Variants in DERA observed in about 807,000 individuals in gnomAD.
DERA encodes the protein 2-deoxy-D-ribose 5-phosphate aldolase.
DERA carries 15 observed loss-of-function variants against 41.1 expected under a neutral mutation model. The observed-to-expected ratio is 0.37, with a 90% CI of 0.24 to 0.56. The LOEUF is 0.56. Ranked by LOEUF, DERA falls within the 20% of genes least tolerant of loss-of-function variation. DERA has a pLI of 0.81. For synonymous variants in DERA, 139 were observed against 137.4 expected (o/e 1.01, Z -0.08); for missense variants, 396 against 403.4 (o/e 0.98, Z 0.16).
intron 4 of DERA, among the ~76,000 whole-genome samples, chr12:15,960,196 A>G (rs1215249207): frequency 1.3e-5 from 2 of 148,608 alleles, no homozygotes; most frequent in African/African-American, 4.9e-5. Context: ...GACATATAGT[A>G]TATATATATA....
At position 16,010,497 on chromosome 12, in the gene DERA, A is replaced by G. The variant is rs560891876; in HGVS notation, c.638-22045A>G. ...CTGCTGCTTTCCCCTTTGCCAGCAT[A>G]TACTGCTTTTGTTGAGGAATCAAGG... On this transcript the variant is annotated intron_variant, in intron 6 of 8. Transcript: ENST00000428559. The surrounding 1 kb of genome is among the most constrained non-coding windows in gnomAD (Gnocchi z 5.5). Among the ~76,000 whole-genome samples, 5 of 152,012 alleles carry G rather than the reference A, an allele frequency of 3.3e-5. No homozygotes were observed. The South Asian group carries it at 1.0e-3, about 32-fold the overall frequency.
chr12:15,961,151 A>G (rs952855687), intron 4 of DERA, among the ~76,000 whole-genome samples: 3 of 152,242 alleles, frequency 2.0e-5, no homozygotes, highest in Admixed American at 2.0e-4. Context: ...GACTTGTCAC[A>G]GTACATGCAG....
In DERA at chr12:16,019,228, G is replaced by A. The variant is rs1949003337; in HGVS notation, c.638-13314G>A. ...TTTCTTTTGACAGCAGTAAAGTAATGATGTACTTTCTAAAATATTTTGTGT... is the reference window on the plus strand; with the variant it reads ...TTTCTTTTGACAGCAGTAAAGTAATAATGTACTTTCTAAAATATTTTGTGT... On this transcript the variant is annotated intron_variant, in intron 6 of 8. Coordinates refer to ENST00000428559, the MANE Select transcript of DERA (RefSeq NM_015954.4). The surrounding 1 kb of genome is among the most constrained non-coding windows in gnomAD (Gnocchi z 4.4). 6.6e-6 allele frequency among the ~76,000 whole-genome samples: 1 copy of A among 152,172 alleles called. No homozygotes were observed. Among genetic ancestry groups the A allele is most frequent in the Non-Finnish European group, 1.5e-5 (1 of 68,028 alleles).
At chr12:16,006,884 G>A (rs1299765295) in intron 6 of DERA, among the ~76,000 whole-genome samples, 1 of 152,164 alleles carries the variant, frequency 6.6e-6, no homozygotes, top group Non-Finnish European at 1.5e-5. Flanking sequence ...GTTACTTTAG[G>A]CTTGAAAATA....
rs1454455920 is a variant in DERA at position 15,924,381 on chromosome 12, G to T, written c.31+12967G>T. Reference sequence around the variant, plus strand: ...GCTGTACTGTAGCCTGGGTGACAGAGCAATACCCTGTTTCTAAAATTAAAA... The same window carrying T: ...GCTGTACTGTAGCCTGGGTGACAGATCAATACCCTGTTTCTAAAATTAAAA... On this transcript the variant is annotated intron_variant, in intron 1 of 8. Transcript: ENST00000428559. This position sits in a 1 kb window ranked among gnomAD's most constrained non-coding sequence, Gnocchi z 5.0. Among the ~76,000 whole-genome samples, 1 of 152,184 alleles carries T rather than the reference G, an allele frequency of 6.6e-6. No homozygotes were observed. The highest frequency in any genetic ancestry group is 2.4e-5 in the African/African-American group (1 of 41,446).
chr12:15,982,287 C>T lies in DERA; in HGVS notation c.509-21C>T. ...TATCACTTGCCTGCTTTGTAACTGC[C>T]TCAATTATTTTCTTCCCCAGCCCTG... On this transcript the variant is annotated intron_variant, in intron 5 of 8. Coordinates refer to ENST00000428559, the MANE Select transcript of DERA (RefSeq NM_015954.4). The surrounding 1 kb of genome is among the most constrained non-coding windows in gnomAD (Gnocchi z 4.0). The T allele has an allele frequency of 1.2e-6, 2 of 1,602,760 alleles. No homozygotes were observed. Among genetic ancestry groups the T allele is most frequent in the Non-Finnish European group, 1.7e-6 (2 of 1,176,558 alleles).
At chr12:16,030,410 A>G (rs1340014270) in intron 6 of DERA, among the ~76,000 whole-genome samples, 4 of 152,156 alleles carry the variant, frequency 2.6e-5, no homozygotes, top group Non-Finnish European at 5.9e-5. Flanking sequence ...TCTTACATCT[A>G]TGTGGAGGCT....
At position 15,962,884 on chromosome 12, in the gene DERA, G is replaced by T; in HGVS notation, c.445G>T (p.Asp149Tyr). ...RLEEIRLAVE[D>Y]GATEIDVVIN... ...AGAAGAGATCAGATTGGCTGTGGAA[G>T]ATGGAGCTACAGAAATCGACGTGGT... Residue 149 changes from aspartate (D) to tyrosine (Y), a missense_variant, in exon 5 of 9, where the codon GAT becomes TAT. Coordinates refer to ENST00000428559, the MANE Select transcript of DERA (RefSeq NM_015954.4). 9 of 1,589,430 alleles carry T rather than the reference G, an allele frequency of 5.7e-6. No homozygotes were observed. Among genetic ancestry groups the T allele is most frequent in the Non-Finnish European group, 7.7e-6 (9 of 1,166,908 alleles).
Position 15,924,119 on chromosome 12 carries a change from A to G in DERA, c.31+12705A>G, listed in dbSNP as rs953547847. Among the ~76,000 whole-genome samples the G allele has an allele frequency of 1.3e-5, 2 of 152,236 alleles. No homozygotes were observed. The highest frequency in any genetic ancestry group is 2.9e-5 in the Non-Finnish European group (2 of 68,040). ...CTAAAGACTGAAAATAGAGTTGTCT[A>G]TAAAATTCTATTAAAATTATATATG... On this transcript the variant is annotated intron_variant, in intron 1 of 8. Coordinates refer to ENST00000428559, the MANE Select transcript of DERA (RefSeq NM_015954.4). This position sits in a 1 kb window ranked among gnomAD's most constrained non-coding sequence, Gnocchi z 5.0.
chr12:16,026,237 TATC>T lies in DERA; in HGVS notation c.638-6304_638-6302del, dbSNP rs944206620. On this transcript the variant is annotated intron_variant, in intron 6 of 8. Transcript: ENST00000428559. The surrounding 1 kb of genome is among the most constrained non-coding windows in gnomAD (Gnocchi z 4.4). Reference sequence around the variant, plus strand: ...CAACAGAGAAATTTTTTTTTTTAAATATCCTAAAAGCTACTTTTTTTTTTCTCC... The same window carrying T: ...CAACAGAGAAATTTTTTTTTTTAAATCTAAAAGCTACTTTTTTTTTTCTCC... Among the ~76,000 whole-genome samples, 18 of 151,462 alleles carry T rather than the reference TATC, an allele frequency of 1.2e-4. No homozygotes were observed. Among genetic ancestry groups the T allele is most frequent in the African/African-American group, 4.1e-4 (17 of 41,358 alleles).
chr12:16,023,354 T>G (rs1330623938), intron 6 of DERA, among the ~76,000 whole-genome samples: 1 of 152,136 alleles, frequency 6.6e-6, no homozygotes, highest in Non-Finnish European at 1.5e-5. Context: ...CCTTGCCCGA[T>G]TAACATAAAA....
chr12:15,934,714 G>A (rs1354115619), intron 1 of DERA, among the ~76,000 whole-genome samples: 1 of 152,160 alleles, frequency 6.6e-6, no homozygotes, highest in African/African-American at 2.4e-5. Context: ...TTCAAGACAA[G>A]AAGTACATTT....
In DERA at chr12:16,000,095, T is replaced by A. The variant is rs938200622; in HGVS notation, c.637+17659T>A. ...AATTTGATTGTGCTTGGTGAGTGAT[T>A]GCATGCTGAGCAGGGAAGGGAAGGG... On this transcript the variant is annotated intron_variant, in intron 6 of 8. Coordinates refer to ENST00000428559, the MANE Select transcript of DERA (RefSeq NM_015954.4). The surrounding 1 kb of genome is among the most constrained non-coding windows in gnomAD (Gnocchi z 4.8). Among the ~76,000 whole-genome samples, 3 of 152,158 alleles carry A rather than the reference T, an allele frequency of 2.0e-5. No individual in the cohort carries two copies. Among genetic ancestry groups the A allele is most frequent in the African/African-American group, 4.8e-5 (2 of 41,434 alleles).
At position 16,004,399 on chromosome 12, in the gene DERA, A is replaced by G. The variant is rs532576580; in HGVS notation, c.637+21963A>G. On this transcript the variant is annotated intron_variant, in intron 6 of 8. Coordinates refer to ENST00000428559, the MANE Select transcript of DERA (RefSeq NM_015954.4). The surrounding 1 kb of genome is among the most constrained non-coding windows in gnomAD (Gnocchi z 4.2). ...TCCTTAACAATTTGTTCTCCCACCA[A>G]TCTTTGATTTATAAATCTAGAAGCC... is the stretch of plus-strand genomic sequence containing the variant. 1.2e-4 allele frequency among the ~76,000 whole-genome samples: 19 copies of G among 152,260 alleles called. No individual in the cohort carries two copies. In the East Asian group the frequency reaches 3.5e-3, roughly 28 times the overall value.
chr12:15,956,157 T>A (rs1371591821), intron 1 of DERA, among the ~76,000 whole-genome samples: 1 of 152,152 alleles, frequency 6.6e-6, no homozygotes. Flanking sequence ...GATTACAAGT[T>A]CTGTGGTAGA....
Position 15,918,467 on chromosome 12 carries a change from G to A in DERA, c.31+7053G>A, listed in dbSNP as rs1948217247. On this transcript the variant is annotated intron_variant, in intron 1 of 8. Transcript: ENST00000428559. The surrounding 1 kb of genome is among the most constrained non-coding windows in gnomAD (Gnocchi z 4.3). ...GCCCCCATTTCAACCCGGCTTGAATGACTACGTTGTTCACCTCCTCTTCAG... is the reference window on the plus strand; with the variant it reads ...GCCCCCATTTCAACCCGGCTTGAATAACTACGTTGTTCACCTCCTCTTCAG... 6.6e-6 allele frequency among the ~76,000 whole-genome samples: 1 copy of A among 152,192 alleles called. No individual in the cohort carries two copies. Among genetic ancestry groups the A allele is most frequent in the Non-Finnish European group, 1.5e-5 (1 of 68,042 alleles).
At position 15,943,277 on chromosome 12, in the gene DERA, G is replaced by A. The variant is rs146781886; in HGVS notation, c.32-13659G>A. Among the ~76,000 whole-genome samples, 6 of 152,270 alleles carry A rather than the reference G, an allele frequency of 3.9e-5. No homozygotes were observed. The highest frequency in any genetic ancestry group is 1.9e-4 in the East Asian group (1 of 5,192). ...ATTTGTTTGAAGACAAATTTTAAAC[G>A]CAGAGTAGAAAAGCAATAGTCAGTT... On this transcript the variant is annotated intron_variant, in intron 1 of 8. Coordinates refer to ENST00000428559, the MANE Select transcript of DERA (RefSeq NM_015954.4). The surrounding 1 kb of genome is among the most constrained non-coding windows in gnomAD (Gnocchi z 4.5).
chr12:15,945,276 A>C (rs553885374), intron 1 of DERA, among the ~76,000 whole-genome samples: 2 of 152,172 alleles, frequency 1.3e-5, no homozygotes, highest in Non-Finnish European at 2.9e-5. Context: ...GAAAGTCATT[A>C]GTAGCTTGAT....
At chr12:15,962,199 C>A (rs1948592919) in intron 4 of DERA, among the ~76,000 whole-genome samples, 1 of 152,104 alleles carries the variant, frequency 6.6e-6, no homozygotes, top group African/African-American at 2.4e-5. Context: ...TCTGCTCTTC[C>A]CAACCCTGCC....
Sources: gnomAD v4.1 joint callset for allele counts (sites outside exome capture counted in the v4.1 genomes callset) on GRCh38, gnomAD v4.1.1 for gene constraint, Gnocchi (gnomAD v3.1) non-coding constraint, MANE v1.5 for transcripts, NCBI Gene and HGNC (gene_info 2026-07-23, HGNC 2026-07-21) for gene names.